BMPR1B: variants seen among roughly 807,000 people sequenced by gnomAD.
BMPR1B encodes the protein bone morphogenetic protein receptor type-1B.
In BMPR1B, 12 loss-of-function variants were observed where a neutral mutation model predicts 59.1. That is an observed-to-expected ratio of 0.20 (90% CI 0.13 to 0.33). The LOEUF (loss-of-function observed/expected upper bound fraction) is 0.33. BMPR1B is among the 10% of genes least tolerant of loss of function. The pLI, the probability that BMPR1B is intolerant of heterozygous loss-of-function variation, is 1.00. For missense variants in BMPR1B, 550 were observed against 610.9 expected (o/e 0.90, Z 1.05); for synonymous variants, 237 against 207.3 (o/e 1.14, Z -1.23).
chr4:94,902,213 A>G (rs1727845243), intron 2 of BMPR1B, among the ~76,000 whole-genome samples: 1 of 121,778 alleles, frequency 8.2e-6, no homozygotes, highest in African/African-American at 3.1e-5. Context: ...ATGGAAATTC[A>G]ATTCACACAC....
intron 3 of BMPR1B, among the ~76,000 whole-genome samples, chr4:95,055,497 A>C (rs1726854165): frequency 6.6e-6 from 1 of 152,192 alleles, no homozygotes; most frequent in Admixed American, 6.5e-5. Context: ...TTAAATGCAT[A>C]AATGTGGTTA....
chr4:94,954,555 T>C (rs1038485407), intron 2 of BMPR1B, among the ~76,000 whole-genome samples: 5 of 152,216 alleles, frequency 3.3e-5, no homozygotes, highest in Admixed American at 2.6e-4. Context: ...GAGAATTAGA[T>C]GAGCCCATAA....
intron 1 of BMPR1B, among the ~76,000 whole-genome samples, chr4:94,827,202 A>AG (rs1384002445): frequency 6.6e-6 from 1 of 152,066 alleles, no homozygotes; most frequent in Non-Finnish European, 1.5e-5. Flanking sequence ...TCCTTTTGCA[A>AG]GTTTAGAGTT....
At chr4:94,820,864 T>C (rs1415951244) in intron 1 of BMPR1B, among the ~76,000 whole-genome samples, 1 of 152,216 alleles carries the variant, frequency 6.6e-6, no homozygotes, top group East Asian at 1.9e-4. Flanking sequence ...ATATAACATA[T>C]GTTGCTAAAA....
intron 1 of BMPR1B, among the ~76,000 whole-genome samples, chr4:94,846,323 G>C (rs1725327023): frequency 6.6e-6 from 1 of 152,154 alleles, no homozygotes; most frequent in African/African-American, 2.4e-5. Context: ...TTAATACTGA[G>C]GGTCAACTTG....
chr4:95,150,214 T>C (rs571171043), intron 11 of BMPR1B, among the ~76,000 whole-genome samples: 3 of 152,322 alleles, frequency 2.0e-5, no homozygotes, highest in African/African-American at 7.2e-5. Flanking sequence ...AAAAGGAAAG[T>C]TAATGCAGGA....
At chr4:94,890,868 T>A (rs191669251) in intron 2 of BMPR1B, among the ~76,000 whole-genome samples, 2 of 151,902 alleles carry the variant, frequency 1.3e-5, no homozygotes, top group African/African-American at 4.8e-5. Context: ...TACCATCACA[T>A]TGGGGGTTAG....
At chr4:95,028,060 A>G (rs561941873) in intron 3 of BMPR1B, among the ~76,000 whole-genome samples, 2 of 152,290 alleles carry the variant, frequency 1.3e-5, no homozygotes, top group East Asian at 3.9e-4. Flanking sequence ...AGACATTCCT[A>G]AAGACAATGA....
At chr4:94,997,388 A>G (rs1226168657) in intron 3 of BMPR1B, among the ~76,000 whole-genome samples, 2 of 152,226 alleles carry the variant, frequency 1.3e-5, no homozygotes, top group Non-Finnish European at 2.9e-5. Flanking sequence ...CTAAAATAGG[A>G]TAAGCCAGAT....
At position 94,876,348 on chromosome 4, in the gene BMPR1B, A is replaced by G. The variant is rs374968328; in HGVS notation, c.-113+448A>G. On this transcript the variant is annotated intron_variant, in intron 2 of 12. Transcript: ENST00000515059. ...AGTTCTAGTTGGTGTCACTCATTTTAGAGGGCAAATGTGAAACAGGTGGCG... is the reference window on the plus strand; with the variant it reads ...AGTTCTAGTTGGTGTCACTCATTTTGGAGGGCAAATGTGAAACAGGTGGCG... 1.9e-4 allele frequency among the ~76,000 whole-genome samples: 29 copies of G among 152,310 alleles called. No homozygotes were observed. The South Asian group carries it at 4.2e-3, about 22-fold the overall frequency.
chr4:94,893,278 C>T (rs1213306234), intron 2 of BMPR1B, among the ~76,000 whole-genome samples: 2 of 152,016 alleles, frequency 1.3e-5, no homozygotes, highest in Non-Finnish European at 2.9e-5. Context: ...TCTCCTTTGG[C>T]TCTAGACTTT....
intron 10 of BMPR1B, among the ~76,000 whole-genome samples, chr4:95,147,595 G>A (rs1734739466): frequency 6.6e-6 from 1 of 152,102 alleles, no homozygotes; most frequent in Admixed American, 6.5e-5. Context: ...TTGGGAATCA[G>A]GAGGTAGAAA....
At chr4:95,083,919 G>T (rs1729368025) in intron 3 of BMPR1B, among the ~76,000 whole-genome samples, 1 of 152,100 alleles carries the variant, frequency 6.6e-6, no homozygotes. Context: ...CAAAGGAAAT[G>T]CAGGTTATTT....
chr4:94,987,678 C>T (rs1352416806), intron 2 of BMPR1B, among the ~76,000 whole-genome samples: 1 of 151,998 alleles, frequency 6.6e-6, no homozygotes, highest in African/African-American at 2.4e-5. Flanking sequence ...GGTTTCAGGA[C>T]CACTTTTTTG....
chr4:95,118,522 T>G (rs1732237736), intron 6 of BMPR1B, among the ~76,000 whole-genome samples: 1 of 152,238 alleles, frequency 6.6e-6, no homozygotes, highest in Non-Finnish European at 1.5e-5. Context: ...GAATGCAGTT[T>G]TGTTGTGAAA....
intron 1 of BMPR1B, among the ~76,000 whole-genome samples, chr4:94,786,262 C>A (rs1578641164): frequency 6.6e-6 from 1 of 151,886 alleles, no homozygotes. Flanking sequence ...CTAGCAAGGG[C>A]ATATGGAAAT....
At chr4:95,065,348 A>G (rs4455424) in intron 3 of BMPR1B, among the ~76,000 whole-genome samples, 1 of 152,238 alleles carries the variant, frequency 6.6e-6, no homozygotes, top group East Asian at 1.9e-4. Flanking sequence ...GGGGTTGAAA[A>G]TGTTCTAAAA....
At chr4:95,095,327 TGTGA>T (rs1452742325) in intron 3 of BMPR1B, among the ~76,000 whole-genome samples, 3 of 152,126 alleles carry the variant, frequency 2.0e-5, no homozygotes, top group East Asian at 1.9e-4. Flanking sequence ...TTAAAAAAAC[TGTGA>T]GTATTTAAAC....
At chr4:95,054,336 T>C (rs1726762080) in intron 3 of BMPR1B, among the ~76,000 whole-genome samples, 1 of 152,178 alleles carries the variant, frequency 6.6e-6, no homozygotes, top group Admixed American at 6.5e-5. Flanking sequence ...TACCACTGCC[T>C]AGCTATTACC....
Sources: gnomAD v4.1 joint callset for allele counts (sites outside exome capture counted in the v4.1 genomes callset) on GRCh38, gnomAD v4.1.1 for gene constraint, MANE v1.5 for transcripts, NCBI Gene and HGNC (gene_info 2026-07-23, HGNC 2026-07-21) for gene names.